Variants in VDAC1 observed in about 807,000 individuals in gnomAD.
VDAC1 encodes voltage dependent anion channel 1, also known as non-selective voltage-gated ion channel VDAC1.
In VDAC1, 10 loss-of-function variants were observed where a neutral mutation model predicts 34.7. The observed-to-expected ratio is 0.29, with a 90% confidence interval of 0.18 to 0.49. VDAC1 has a LOEUF of 0.49. Among genes scored for constraint, VDAC1 ranks in the 20% least tolerant of loss-of-function variants. The pLI is 0.99. For missense variants in VDAC1, 230 were observed against 347.9 expected, an observed-to-expected ratio of 0.66 and a Z score of 2.69; for synonymous variants, 130 against 136.0, an observed-to-expected ratio of 0.96 and a Z score of 0.30.
intron 1 of VDAC1, among the ~76,000 whole-genome samples, chr5:133,998,454 T>C (rs1753418154): frequency 6.6e-6 from 1 of 152,120 alleles, no homozygotes; most frequent in Non-Finnish European, 1.5e-5. Flanking sequence ...GAGAATCACT[T>C]GAACCCAAAG....
chr5:134,033,877 A>G, the VDAC1 span, among the ~76,000 whole-genome samples: 2 of 152,010 alleles, frequency 1.3e-5, no homozygotes, highest in African/African-American at 4.8e-5. Flanking sequence ...CTGTAGTCCC[A>G]GCTACTTGGG....
At chr5:134,022,659 C>G in the VDAC1 span, among the ~76,000 whole-genome samples, 1 of 152,158 alleles carries the variant, frequency 6.6e-6, no homozygotes, top group African/African-American at 2.4e-5. Flanking sequence ...ACTCAAGGGC[C>G]CACATGAGCA....
chr5:134,102,342 C>CA, the VDAC1 span, among the ~76,000 whole-genome samples: 1 of 149,720 alleles, frequency 6.7e-6, no homozygotes, highest in African/African-American at 2.4e-5. Context: ...CTACCCCCCC[C>CA]ACCCCAAAGC....
chr5:134,067,985 G>A, the VDAC1 span, among the ~76,000 whole-genome samples: 1 of 152,132 alleles, frequency 6.6e-6, no homozygotes, highest in Admixed American at 6.5e-5. Flanking sequence ...GGTCATGGTG[G>A]TGTGAGCCTG....
chr5:134,039,440 C>T, the VDAC1 span, among the ~76,000 whole-genome samples: 24 of 152,276 alleles, frequency 1.6e-4, no homozygotes, highest in Middle Eastern at 3.4e-3. Context: ...GCCATTCTCC[C>T]GCCTCAGCCT....
At chr5:134,022,758 C>T in the VDAC1 span, among the ~76,000 whole-genome samples, 1 of 152,146 alleles carries the variant, frequency 6.6e-6, no homozygotes, top group Non-Finnish European at 1.5e-5. Flanking sequence ...AAAGTCTTTG[C>T]ATTCAACTGT....
chr5:134,098,504 C>A, the VDAC1 span, among the ~76,000 whole-genome samples: 1 of 152,202 alleles, frequency 6.6e-6, no homozygotes, highest in Non-Finnish European at 1.5e-5. Flanking sequence ...GGATTACAGG[C>A]GTGAGCCACC....
the VDAC1 span, among the ~76,000 whole-genome samples, chr5:134,101,541 C>G: frequency 6.6e-6 from 1 of 150,800 alleles, no homozygotes; most frequent in African/African-American, 2.5e-5. Flanking sequence ...CCTGGGTGAC[C>G]GAGCGAGACT....
At chr5:134,101,138 C>T in the VDAC1 span, among the ~76,000 whole-genome samples, 12 of 152,268 alleles carry the variant, frequency 7.9e-5, no homozygotes, top group Admixed American at 7.8e-4. Flanking sequence ...ACGAAGGCCA[C>T]CTTCAGCTCC....
At chr5:134,070,355 C>G in the VDAC1 span, among the ~76,000 whole-genome samples, 2 of 152,072 alleles carry the variant, frequency 1.3e-5, no homozygotes, top group Non-Finnish European at 2.9e-5. Context: ...ATCTAGTCAC[C>G]CTAGTCCAAG....
chr5:134,011,598 C>T, the VDAC1 span, among the ~76,000 whole-genome samples: 1 of 151,062 alleles, frequency 6.6e-6, no homozygotes. Flanking sequence ...CTAGATCATC[C>T]AAGTGTGCCC....
chr5:134,047,134 AG>A, the VDAC1 span, among the ~76,000 whole-genome samples: 1 of 152,148 alleles, frequency 6.6e-6, no homozygotes, highest in African/African-American at 2.4e-5. Flanking sequence ...GACCAGAGCC[AG>A]GGGGGTCACT....
chr5:134,038,373 A>G, the VDAC1 span, among the ~76,000 whole-genome samples: 13 of 152,236 alleles, frequency 8.5e-5, no homozygotes, highest in Admixed American at 2.6e-4. Context: ...TTTGAGAGGC[A>G]GCAAAAAGCC....
At chr5:134,029,773 G>A in the VDAC1 span, among the ~76,000 whole-genome samples, 6 of 152,144 alleles carry the variant, frequency 3.9e-5, no homozygotes, top group East Asian at 1.9e-4. Context: ...GGAAAAGGGC[G>A]GTGGGAGTGA....
At chr5:134,068,807 C>A in the VDAC1 span, among the ~76,000 whole-genome samples, 15 of 152,164 alleles carry the variant, frequency 9.9e-5, no homozygotes, top group East Asian at 2.9e-3. Flanking sequence ...TGTCTTCTGC[C>A]GAAATTAATA....
chr5:134,036,238 A>C, the VDAC1 span, among the ~76,000 whole-genome samples: 2 of 152,148 alleles, frequency 1.3e-5, no homozygotes, highest in Non-Finnish European at 2.9e-5. Flanking sequence ...GATCAAAGTT[A>C]ATAACACCTG....
At chr5:133,998,884 T>A (rs1753433537) in intron 1 of VDAC1, among the ~76,000 whole-genome samples, 1 of 152,230 alleles carries the variant, frequency 6.6e-6, no homozygotes, top group Non-Finnish European at 1.5e-5. Flanking sequence ...CCTCTCAGCC[T>A]GTGCCTAACA....
chr5:134,063,188 A>T, the VDAC1 span, among the ~76,000 whole-genome samples: 2 of 152,184 alleles, frequency 1.3e-5, no homozygotes, highest in African/African-American at 4.8e-5. Context: ...TATTTGTCTA[A>T]ATAAGAAATT....
the VDAC1 span, among the ~76,000 whole-genome samples, chr5:134,054,981 C>T: frequency 5.4e-4 from 82 of 152,330 alleles, no homozygotes; most frequent in African/African-American, 1.9e-3. Flanking sequence ...TAACTCTGGT[C>T]GTTCCTTTAT....
Sources: gnomAD v4.1 joint callset for allele counts (sites outside exome capture counted in the v4.1 genomes callset) on GRCh38, gnomAD v4.1.1 for gene constraint, MANE v1.5 for transcripts, NCBI Gene and HGNC (gene_info 2026-07-23, HGNC 2026-07-21) for gene names.